The following BABAM2 variants were observed in gnomAD, a reference collection of about 807,000 sequenced individuals.
BABAM2 encodes the protein BRISC and BRCA1 A complex member 2.
Under a neutral mutation model 54.7 loss-of-function variants are expected in BABAM2, and 31 were observed. The ratio of observed to expected loss-of-function variants is 0.57; its 90% CI spans 0.43 to 0.77. The LOEUF (loss-of-function observed/expected upper bound fraction) is 0.77. Among genes scored for constraint, BABAM2 ranks in the 30% least tolerant of loss-of-function variants. The pLI is 0.00. For synonymous variants in BABAM2, 167 were observed against 162.9 expected (o/e 1.03, Z -0.19); for missense variants, 364 against 455.8 (o/e 0.80, Z 1.83).
chr2:27,987,546 G>A (rs556764727), intron 3 of BABAM2, among the ~76,000 whole-genome samples: 2 of 152,224 alleles, frequency 1.3e-5, no homozygotes, highest in Admixed American at 1.3e-4. Flanking sequence ...CTGGGATAGT[G>A]GCTCACACCT....
intron 7 of BABAM2, among the ~76,000 whole-genome samples, chr2:28,142,067 T>C (rs1404192996): frequency 6.6e-6 from 1 of 152,058 alleles, no homozygotes; most frequent in Non-Finnish European, 1.5e-5. Context: ...ACACTGTTGT[T>C]GGAGGAACGG....
chr2:28,228,731 C>T (rs1258090983), intron 7 of BABAM2, among the ~76,000 whole-genome samples: 1 of 152,100 alleles, frequency 6.6e-6, no homozygotes, highest in Non-Finnish European at 1.5e-5. Context: ...GTAGTTCATA[C>T]CAACTCTTAG....
intron 6 of BABAM2, among the ~76,000 whole-genome samples, chr2:28,067,416 T>C (rs1218829233): frequency 6.6e-6 from 1 of 152,220 alleles, no homozygotes; most frequent in Non-Finnish European, 1.5e-5. Context: ...TGAACACATC[T>C]TATACTTTCT....
In BABAM2 at chr2:27,894,656, T is replaced by G; in HGVS notation, c.100T>G (p.Cys34Gly). 6.2e-7 allele frequency: 1 copy of G among 1,614,210 alleles called. No individual in the cohort carries two copies. The highest frequency in any genetic ancestry group is 8.5e-7 in the Non-Finnish European group (1 of 1,180,024). Residue 34 changes from cysteine to glycine, a missense_variant, in exon 2 of 12, where the codon TGT becomes GGT. Cys to Gly is a radical substitution (Grantham distance 159, BLOSUM62 -3). Transcript: ENST00000379624. Reference sequence around the variant, plus strand: ...AAAAGTGGGACTGGATGCTACAAACTGTTTGAGGATAACTGACTTAAAATC... The same window carrying G: ...AAAAGTGGGACTGGATGCTACAAACGGTTTGAGGATAACTGACTTAAAATC... ...NGKVGLDATN[C>G]LRITDLKSGC...
chr2:27,890,221 C>T (rs756995099), upstream of BABAM2: 2 of 1,602,056 alleles, frequency 1.2e-6, no homozygotes, highest in East Asian at 2.2e-5. The surrounding 1 kb of genome is among the most constrained non-coding windows in gnomAD (Gnocchi z 4.8). Context: ...GCCTCCTCCC[C>T]CGAGCCGCAG....
At chr2:28,175,242 C>T (rs761823149) in intron 7 of BABAM2, among the ~76,000 whole-genome samples, 2 of 152,182 alleles carry the variant, frequency 1.3e-5, no homozygotes, top group Non-Finnish European at 2.9e-5. Flanking sequence ...TCTGTCCACC[C>T]CCTGCAGGGC....
intron 11 of BABAM2, among the ~76,000 whole-genome samples, chr2:28,311,462 T>A (rs755574753): frequency 6.6e-5 from 10 of 152,112 alleles, no homozygotes; most frequent in Admixed American, 1.3e-4. Context: ...GGTTTGGGAT[T>A]TTTATGATAA....
chr2:27,972,400 G>A (rs2148453861), intron 3 of BABAM2, among the ~76,000 whole-genome samples: 1 of 152,318 alleles, frequency 6.6e-6, no homozygotes, highest in South Asian at 2.1e-4. Flanking sequence ...ACAGAGTGTG[G>A]TATCTAATGA....
intron 6 of BABAM2, among the ~76,000 whole-genome samples, chr2:28,078,124 A>T (rs949613905): frequency 2.6e-5 from 4 of 152,062 alleles, no homozygotes; most frequent in African/African-American, 9.7e-5. Context: ...CCCACCCAAG[A>T]TGTGAATTGT....
chr2:28,240,650 A>T (rs1200738726), intron 8 of BABAM2, among the ~76,000 whole-genome samples: 1 of 152,124 alleles, frequency 6.6e-6, no homozygotes, highest in African/African-American at 2.4e-5. Context: ...CAGGCTGATC[A>T]TCTGAAGTCA....
At chr2:28,303,061 C>T (rs111596610) in intron 11 of BABAM2, among the ~76,000 whole-genome samples, 2,742 of 152,070 alleles carry the variant, frequency 0.018, 74 homozygotes, top group African/African-American at 0.062. Context: ...CGCTATGTTG[C>T]CCAGGCTGGT....
intron 5 of BABAM2, among the ~76,000 whole-genome samples, chr2:28,033,544 C>T (rs1388362790): frequency 6.6e-6 from 1 of 152,106 alleles, no homozygotes; most frequent in Admixed American, 6.5e-5. Context: ...TCTCTCTCTT[C>T]TTGTAAAGCC....
At chr2:28,307,415 T>A (rs76792519) in intron 11 of BABAM2, among the ~76,000 whole-genome samples, 1 of 151,666 alleles carries the variant, frequency 6.6e-6, no homozygotes, top group Non-Finnish European at 1.5e-5. Flanking sequence ...TTTTTTTTTT[T>A]ATTCCTTTGT....
intron 6 of BABAM2, among the ~76,000 whole-genome samples, chr2:28,095,456 A>G (rs146144533): frequency 1.7e-3 from 262 of 152,358 alleles, no homozygotes; most frequent in Middle Eastern, 6.8e-3. Flanking sequence ...CACAGGGGCT[A>G]GTACAGAGTT....
At chr2:28,026,855 T>A (rs1462894726) in intron 5 of BABAM2, among the ~76,000 whole-genome samples, 1 of 81,342 alleles carries the variant, frequency 1.2e-5, no homozygotes, top group East Asian at 2.8e-4. Flanking sequence ...TATATATTTA[T>A]ATATATAGAT....
intron 3 of BABAM2, among the ~76,000 whole-genome samples, chr2:27,970,522 A>T (rs1671134234): frequency 6.6e-6 from 1 of 152,202 alleles, no homozygotes; most frequent in African/African-American, 2.4e-5. Context: ...GTCATTTTAA[A>T]GTAAGTTGCA....
intron 11 of BABAM2, among the ~76,000 whole-genome samples, chr2:28,310,879 G>A (rs115490110): frequency 0.029 from 4,348 of 151,744 alleles, 86 homozygotes; most frequent in Middle Eastern, 0.048. Flanking sequence ...GCAAGACCCC[G>A]TCTCAAAAAT....
At chr2:28,251,492 C>T (rs1365093291) in intron 10 of BABAM2, among the ~76,000 whole-genome samples, 2 of 152,198 alleles carry the variant, frequency 1.3e-5, no homozygotes, top group African/African-American at 4.8e-5. Flanking sequence ...TGATGTCGCA[C>T]TGTCACCTCA....
At chr2:28,132,098 A>G (rs1338310212) in intron 7 of BABAM2, among the ~76,000 whole-genome samples, 2 of 151,382 alleles carry the variant, frequency 1.3e-5, no homozygotes, top group Admixed American at 6.6e-5. Flanking sequence ...TCCAAAGTCC[A>G]GCTCTCTCAT....
Sources: gnomAD v4.1 joint callset for allele counts (sites outside exome capture counted in the v4.1 genomes callset) on GRCh38, gnomAD v4.1.1 for gene constraint, Gnocchi (gnomAD v3.1) non-coding constraint, MANE v1.5 for transcripts, NCBI Gene and HGNC (gene_info 2026-07-23, HGNC 2026-07-21) for gene names.